The following RETREG3 variants were observed in gnomAD, a reference collection of about 807,000 sequenced individuals.
RETREG3 encodes the protein reticulophagy regulator 3.
Under a neutral mutation model 50.2 loss-of-function variants are expected in RETREG3, and 23 were observed. The observed-to-expected ratio is 0.46, with a 90% CI of 0.33 to 0.65. RETREG3 has a LOEUF of 0.65. Ranked by LOEUF, RETREG3 falls within the 30% of genes least tolerant of loss-of-function variation. The pLI is 0.02. For synonymous variants in RETREG3, 240 were observed against 234.4 expected, an observed-to-expected ratio of 1.02 and a Z score of -0.22; for missense variants, 546 against 598.0, an observed-to-expected ratio of 0.91 and a Z score of 0.91.
At chr17:42,595,690 G>A (rs1241262468) in intron 1 of RETREG3, among the ~76,000 whole-genome samples, 2 of 128,606 alleles carry the variant, frequency 1.6e-5, no homozygotes, top group African/African-American at 3.0e-5. Context: ...TTTTTGAGAC[G>A]GAGTCTCTCT....
At chr17:42,597,241 T>A (rs1173420979) in intron 1 of RETREG3, among the ~76,000 whole-genome samples, 1 of 147,688 alleles carries the variant, frequency 6.8e-6, no homozygotes, top group Non-Finnish European at 1.5e-5. Flanking sequence ...CAGGCTAGAG[T>A]GCAGTGGCGT....
rs2093160340 is a variant in RETREG3, at chr17:42,602,376, C to A, written c.239+6710G>T. 3.3e-5 allele frequency among the ~76,000 whole-genome samples: 5 copies of A among 151,798 alleles called. 1 individual carries two copies. The South Asian group carries it at 8.3e-4, about 25-fold the overall frequency. On this transcript the variant is annotated intron_variant, in intron 1 of 8. Transcript: ENST00000309428. ...ATAATGGTTTGTATACGATAAAATT[C>A]TCTTTCAATTCATCTGCCAGCAGCA...
intron 1 of RETREG3, among the ~76,000 whole-genome samples, chr17:42,605,068 C>G (rs1436126341): frequency 4.0e-5 from 6 of 150,120 alleles, no homozygotes; most frequent in African/African-American, 1.5e-4. Flanking sequence ...ATATGGCCAC[C>G]ATAAATTCTC....
chr17:42,582,057 G>C lies in RETREG3; in HGVS notation c.1157C>G (p.Ala386Gly). Reference sequence around the variant, plus strand: ...GGTGAGGTTGGATCCTACAGGAAGAGCACCAAGCAGGAGCTCCGGCAGCGC... The same window carrying C: ...GGTGAGGTTGGATCCTACAGGAAGACCACCAAGCAGGAGCTCCGGCAGCGC... Reference protein sequence around the residue: ...EAALPELLLGALPVGSNLTSN... With the variant: ...EAALPELLLGGLPVGSNLTSN... Residue 386 changes from alanine (A) to glycine (G), a missense_variant, in exon 9 of 9, where the codon GCT becomes GGT. By Grantham distance (60) the Ala-to-Gly change is moderately conservative (BLOSUM62 0). Coordinates refer to ENST00000309428, the MANE Select transcript of RETREG3 (RefSeq NM_178126.4). 5 of 1,614,092 alleles carry C rather than the reference G, an allele frequency of 3.1e-6. No individual in the cohort carries two copies. Among genetic ancestry groups the C allele is most frequent in the Non-Finnish European group, 4.2e-6 (5 of 1,180,016 alleles).
At chr17:42,590,028 C>T (rs568992077) in intron 2 of RETREG3, among the ~76,000 whole-genome samples, 3 of 152,186 alleles carry the variant, frequency 2.0e-5, no homozygotes, top group South Asian at 2.1e-4. Flanking sequence ...TGGCGAAACC[C>T]CATTTCTACT....
At position 42,581,957 on chromosome 17, in the gene RETREG3, A is replaced by C. The variant is rs138001288; in HGVS notation, c.1257T>G (p.Ser419=). 26 of 1,614,054 alleles carry C rather than the reference A, an allele frequency of 1.6e-5. No individual in the cohort carries two copies. In the African/African-American group the frequency reaches 2.9e-4, roughly 18 times the overall value. ...TCGTTGCTCTCTGGGCAGGTGCTCC[A>C]GAAGGGCCTGGTTGGGAGGCCCCTG... is the stretch of plus-strand genomic sequence containing the variant. ...ALSGASQPGP[S]GAPAQRATRG... is the part of the protein sequence containing the mutation. Residue 419 remains serine (S), a synonymous_variant, in exon 9 of 9, where the codon TCT becomes TCG. Transcript: ENST00000309428.
upstream of RETREG3, chr17:42,609,407 G>A (rs1438764410): frequency 4.1e-6 from 6 of 1,445,814 alleles, no homozygotes; most frequent in South Asian, 3.9e-5. Flanking sequence ...GATTCGGCGG[G>A]GGAGGTGGCT....
intron 6 of RETREG3, among the ~76,000 whole-genome samples, chr17:42,583,924 C>T (rs2093115658): frequency 6.6e-6 from 1 of 152,202 alleles, no homozygotes; most frequent in Non-Finnish European, 1.5e-5. Flanking sequence ...ACTCCTGTCT[C>T]AGCCTCCTGA....
intron 1 of RETREG3, among the ~76,000 whole-genome samples, chr17:42,597,599 A>G (rs1182722170): frequency 0.68 from 43,247 of 63,190 alleles, 12,308 homozygotes; most frequent in South Asian, 0.76. Flanking sequence ...ATATATATAT[A>G]TATATATATA....
rs1453759590 is a variant in RETREG3, at chr17:42,581,539, T to A, written c.*274A>T. The A allele has an allele frequency of 5.2e-6, 2 of 387,164 alleles. No homozygotes were observed. Among genetic ancestry groups the A allele is most frequent in the Non-Finnish European group, 4.6e-6 (1 of 215,450 alleles). 24.0% of individuals were successfully genotyped at this position (387,164 alleles called of 1,614,324 possible). On this transcript the variant is annotated 3_prime_UTR_variant, in exon 9 of 9. Transcript: ENST00000309428. ...TCAAAGGGGAACCAATATCCCTGACTATTTTGTTCCCCCAAAGTACCATCC... is the reference window on the plus strand; with the variant it reads ...TCAAAGGGGAACCAATATCCCTGACAATTTTGTTCCCCCAAAGTACCATCC...
At chr17:42,584,658 A>C (rs1405912161) in intron 6 of RETREG3, among the ~76,000 whole-genome samples, 1 of 151,930 alleles carries the variant, frequency 6.6e-6, no homozygotes. Context: ...AAATTTAAAA[A>C]TCAGATAGAT....
chr17:42,604,962 A>G (rs1439258831), intron 1 of RETREG3, among the ~76,000 whole-genome samples: 2 of 152,084 alleles, frequency 1.3e-5, no homozygotes, highest in African/African-American at 2.4e-5. Context: ...TAATGAAAAC[A>G]CAAGCTATTG....
intron 7 of RETREG3, 37 bp downstream of exon 7, chr17:42,583,461 A>C (rs1325155989): frequency 6.2e-7 from 1 of 1,605,238 alleles, no homozygotes; most frequent in East Asian, 2.2e-5. Flanking sequence ...TAGCTAAAGA[A>C]AACTGGACAG....
rs1161272423 is a variant in RETREG3 at position 42,582,683 on chromosome 17, C to A, written c.934G>T (p.Gly312Cys). 3 of 1,614,082 alleles carry A rather than the reference C, an allele frequency of 1.9e-6. No individual in the cohort carries two copies. The highest frequency in any genetic ancestry group is 2.5e-6 in the Non-Finnish European group (3 of 1,180,042). ...CAAAGGCTCCCCTCACCTTCAGAGC[C>A]TTCCGTTAGAGGTGTTTGGCCCCTT... is the stretch of plus-strand genomic sequence containing the variant. ...LSRGQTPLTE[G>C]SEDLDGHSDP... The change falls in exon 8 of 9, where the codon GGC becomes TGC. Residue 312 changes from glycine to cysteine, a missense_variant. By Grantham distance (159) the Gly-to-Cys change is radical. Coordinates refer to ENST00000309428, the MANE Select transcript of RETREG3 (RefSeq NM_178126.4).
At chr17:42,591,845 G>A (rs1309959074) in intron 2 of RETREG3, among the ~76,000 whole-genome samples, 1 of 152,146 alleles carries the variant, frequency 6.6e-6, no homozygotes, top group Non-Finnish European at 1.5e-5. Flanking sequence ...CAGATTTCCT[G>A]TGCTTAGTAA....
At chr17:42,585,363 G>A in intron 5 of RETREG3, 101 bp from the exon 6 acceptor site, 2 of 1,484,428 alleles carry the variant, frequency 1.3e-6, no homozygotes, top group East Asian at 4.7e-5. Context: ...TGGACACAAA[G>A]TGTGGAACAG....
At chr17:42,587,921 T>A in intron 2 of RETREG3, 57 bp from the exon 3 acceptor site, 1 of 1,602,570 alleles carries the variant, frequency 6.2e-7, no homozygotes, top group Non-Finnish European at 8.5e-7. Context: ...AACATGAAAA[T>A]GTTAGGCTGT....
chr17:42,594,018 C>T (rs2093138642), intron 1 of RETREG3, among the ~76,000 whole-genome samples: 2 of 152,152 alleles, frequency 1.3e-5, no homozygotes, highest in Admixed American at 1.3e-4. Flanking sequence ...TGGGGAAACA[C>T]CATCTCTAAA....
intron 5 of RETREG3, 87 bp from the exon 6 acceptor site, chr17:42,585,349 G>T: frequency 6.5e-7 from 1 of 1,535,582 alleles, no homozygotes; most frequent in South Asian, 1.2e-5. Flanking sequence ...TGGTCCTTAG[G>T]GCTTGGACAC....
Sources: gnomAD v4.1 joint callset for allele counts (sites outside exome capture counted in the v4.1 genomes callset) on GRCh38, gnomAD v4.1.1 for gene constraint, MANE v1.5 for transcripts, NCBI Gene and HGNC (gene_info 2026-07-23, HGNC 2026-07-21) for gene names.